CD36: variants seen among roughly 807,000 people sequenced by gnomAD.
CD36 encodes CD36 molecule (CD36 blood group).
Under a neutral mutation model 55.2 loss-of-function variants are expected in CD36, and 119 were observed. The ratio of observed to expected loss-of-function variants is 2.15; its 90% CI spans 1.86 to 2.51. The LOEUF is 2.51. Ranked by LOEUF, CD36 falls within the 30% of genes most tolerant of loss-of-function variation. The probability of loss-of-function intolerance (pLI) is 0.00; values close to 1 mark genes in which losing one functional copy is unlikely to be tolerated. For synonymous variants in CD36, 186 were observed against 193.6 expected, an observed-to-expected ratio of 0.96 and a Z score of 0.33; for missense variants, 819 against 555.5, an observed-to-expected ratio of 1.47 and a Z score of -4.77.
intron 7 of CD36, 111 bp from the exon 8 acceptor site, chr7:80,666,332 A>G (rs1286563421): frequency 1.3e-6 from 1 of 753,162 alleles, no homozygotes; most frequent in Non-Finnish European, 2.3e-6. Flanking sequence ...AGTACTTGTC[A>G]CATTTAAATG....
At chr7:80,659,829 A>G (rs1007931082) in intron 4 of CD36, among the ~76,000 whole-genome samples, 1 of 152,116 alleles carries the variant, frequency 6.6e-6, no homozygotes, top group African/African-American at 2.4e-5. Context: ...TCAGATTTTT[A>G]TATTCTTTGT....
intron 4 of CD36, among the ~76,000 whole-genome samples, chr7:80,658,018 G>A (rs1796223794): frequency 6.6e-6 from 1 of 152,198 alleles, no homozygotes; most frequent in South Asian, 2.1e-4. Context: ...TGAGGGTGGT[G>A]CCTACTACCA....
chr7:80,623,921 C>T (rs188032671), intron 1 of CD36: 26 of 152,282 alleles, frequency 1.7e-4, no homozygotes, highest in Admixed American at 5.9e-4. Flanking sequence ...AAGAGCAGCT[C>T]ATTTTTAAGC....
chr7:80,631,555 A>AT (rs5885185), intron 1 of CD36, among the ~76,000 whole-genome samples: 24,317 of 146,914 alleles, frequency 0.17, 2,672 homozygotes, highest in African/African-American at 0.32. Context: ...TAAGTTTGCA[A>AT]TTTTTTTTTT....
intron 3 of CD36, among the ~76,000 whole-genome samples, chr7:80,654,804 C>CA (rs1795918200): frequency 6.7e-6 from 1 of 150,038 alleles, no homozygotes; most frequent in Non-Finnish European, 1.5e-5. Context: ...TTATTCCCTA[C>CA]ATTAAGCAAT....
chr7:80,604,350 A>ATTTTTTTTTTTTTTTT lies in CD36; in HGVS notation c.-184+1996_-184+2011dup, dbSNP rs67213422. 1.5e-3 allele frequency among the ~76,000 whole-genome samples: 84 copies of ATTTTTTTTTTTTTTTT among 54,292 alleles called. 11 individuals carry two copies. The highest frequency in any genetic ancestry group is 2.3e-3 in the Non-Finnish European group (55 of 24,052). The allele number at this position is 54,292 out of a possible 152,430, so 35.6% of individuals were successfully genotyped here. ...TACAGTAATTGGCTAAGCCACTGGA[A>ATTTTTTTTTTTTTTTT]TTTTTTTTTTTTTTTTTTTTTTTTT... On this transcript the variant is annotated intron_variant, in intron 1 of 13. Transcript: ENST00000309881.
intron 5 of CD36, 93 bp from the exon 6 acceptor site, chr7:80,662,897 T>G: frequency 9.6e-7 from 1 of 1,039,814 alleles, no homozygotes. Flanking sequence ...CTTTAAAAAG[T>G]TTTGTATTAA....
In CD36 at chr7:80,646,704, A is replaced by T. The variant is rs542707504; in HGVS notation, c.-37A>T. ...TCATATCCAGGAGTTTGCAAGAAAC[A>T]GGTGCTTAACACTAATTCACCTCCT... On this transcript the variant is annotated 5_prime_UTR_variant, in exon 3 of 15. Transcript: ENST00000447544. 6.2e-7 allele frequency: 1 copy of T among 1,613,448 alleles called. No individual in the cohort carries two copies. Among genetic ancestry groups the T allele is most frequent in the Non-Finnish European group, 8.5e-7 (1 of 1,179,542 alleles).
At chr7:80,649,728 T>G (rs1349339936) in intron 3 of CD36, among the ~76,000 whole-genome samples, 4 of 151,952 alleles carry the variant, frequency 2.6e-5, no homozygotes, top group Admixed American at 2.6e-4. Context: ...AAAATAAAAC[T>G]AAACAGTAGA....
At chr7:80,673,242 C>G (rs1797893707) in intron 12 of CD36, 113 bp from the exon 13 acceptor site, 3 of 594,072 alleles carry the variant, frequency 5.0e-6, no homozygotes, top group South Asian at 2.4e-5. Flanking sequence ...TGAGTCATTA[C>G]AGGAACAAAA....
chr7:80,670,015 A>G lies in CD36; in HGVS notation c.811A>G (p.Ile271Val). The G allele has an allele frequency of 6.2e-7, 1 of 1,600,932 alleles. No individual in the cohort carries two copies. The highest frequency in any genetic ancestry group is 1.1e-5 in the South Asian group (1 of 90,814). ...SQVLQFFSSD[I>V]CRSIYAVFES... The stretch of plus-strand genomic sequence containing the variant: ...GGTATTGCAGTTCTTTTCTTCTGAT[A>G]TTTGCAGGTAAGACAGATACTGAAG... Residue 271 changes from isoleucine to valine, a missense_variant, in exon 9 of 15, where the codon ATT becomes GTT. Ile to Val is a conservative substitution (Grantham distance 29). Transcript: ENST00000447544.
upstream of CD36, among the ~76,000 whole-genome samples, chr7:80,637,287 T>C (rs1794485680): frequency 2.6e-5 from 4 of 152,058 alleles, no homozygotes; most frequent in South Asian, 8.3e-4. Context: ...GTCTTTATAC[T>C]ACCATTTTAT....
intron 1 of CD36, among the ~76,000 whole-genome samples, chr7:80,631,691 C>T (rs1794081006): frequency 6.6e-6 from 1 of 151,566 alleles, no homozygotes; most frequent in Non-Finnish European, 1.5e-5. Flanking sequence ...AGTAGTCTGC[C>T]ACTTTTCATT....
At chr7:80,617,768 C>A (rs1193022236) in intron 1 of CD36, among the ~76,000 whole-genome samples, 1 of 151,116 alleles carries the variant, frequency 6.6e-6, no homozygotes, top group Admixed American at 6.6e-5. Context: ...AAAACAAGCT[C>A]TTCAAACGTA....
intron 1 of CD36, among the ~76,000 whole-genome samples, chr7:80,641,202 T>A (rs1354572491): frequency 1.3e-5 from 2 of 152,076 alleles, no homozygotes; most frequent in Non-Finnish European, 2.9e-5. Context: ...TCTCTAAACA[T>A]GATTTTATAA....
At chr7:80,602,511 CTG>C (rs1421412563) in intron 1 of CD36, 1 of 152,028 alleles carries the variant, frequency 6.6e-6, no homozygotes, top group African/African-American at 2.4e-5. Flanking sequence ...ATAGTTTAGT[CTG>C]TGATGCTTCT....
intron 12 of CD36, 65 bp from the exon 13 acceptor site, chr7:80,673,274 ATTTATGAACATTTATT>A (rs1238840596): frequency 8.8e-6 from 6 of 683,656 alleles, no homozygotes; most frequent in Non-Finnish European, 1.3e-5. Flanking sequence ...ACAGCAACTA[ATTTATGAACATTTATT>A]TTAAAGTTTG....
intron 1 of CD36, among the ~76,000 whole-genome samples, chr7:80,631,379 G>T (rs1244875314): frequency 6.6e-6 from 1 of 152,012 alleles, no homozygotes; most frequent in African/African-American, 2.4e-5. Context: ...ACAAGGTAAA[G>T]TATTTTATCA....
In CD36 at chr7:80,646,854, T is replaced by G. The variant is rs766266735; in HGVS notation, c.114T>G (p.Ile38Met). The change falls in exon 3 of 15, where the codon ATT (isoleucine) becomes ATG (methionine). Residue 38 changes from isoleucine (I) to methionine (M), a missense_variant. By Grantham distance (10) the Ile-to-Met change is conservative. Transcript: ENST00000447544. Reference sequence around the variant, plus strand: ...GAGACCTGCTTATCCAGAAGACAATTAAAAAGGTACAAGTAGTCCAAAGAA... The same window carrying G: ...GAGACCTGCTTATCCAGAAGACAATGAAAAAGGTACAAGTAGTCCAAAGAA... Reference protein sequence around the residue: ...PVGDLLIQKTIKKQVVLEEGT... With the variant: ...PVGDLLIQKTMKKQVVLEEGT... 3.7e-6 allele frequency: 6 copies of G among 1,613,906 alleles called. 1 individual carries two copies. The highest frequency in any genetic ancestry group is 2.2e-5 in the East Asian group (1 of 44,860).
Sources: allele counts gnomAD v4.1 joint callset (sites outside exome capture counted in the v4.1 genomes callset), GRCh38; gene constraint gnomAD v4.1.1; transcripts MANE v1.5; gene names NCBI Gene and HGNC (gene_info 2026-07-23, HGNC 2026-07-21).